ST7: variants seen among roughly 807,000 people sequenced by gnomAD.
The protein encoded by ST7 is suppression of tumorigenicity 7.
In ST7, 28 loss-of-function variants were observed where a neutral mutation model predicts 78.7. That is an observed-to-expected ratio of 0.36 (90% CI 0.26 to 0.49). The LOEUF is 0.49. ST7 is among the 20% of genes least tolerant of loss of function. ST7 has a pLI of 0.99. For missense variants in ST7, 418 were observed against 696.0 expected, an observed-to-expected ratio of 0.60 and a Z score of 4.49; for synonymous variants, 247 against 249.6, an observed-to-expected ratio of 0.99 and a Z score of 0.10.
chr7:117,082,728 C>G (rs906594506), intron 1 of ST7, among the ~76,000 whole-genome samples: 1 of 152,198 alleles, frequency 6.6e-6, no homozygotes, highest in African/African-American at 2.4e-5. Context: ...AAGAGCCAGA[C>G]AGTAAATATT....
At chr7:117,051,064 C>G (rs934379918) in intron 1 of ST7, among the ~76,000 whole-genome samples, 2 of 152,108 alleles carry the variant, frequency 1.3e-5, no homozygotes, top group Non-Finnish European at 2.9e-5. Context: ...CTACACAGTT[C>G]AAATTTGTGA....
chr7:117,218,673 C>A (rs1167502156), intron 13 of ST7, among the ~76,000 whole-genome samples: 1 of 152,160 alleles, frequency 6.6e-6, no homozygotes, highest in Non-Finnish European at 1.5e-5. Context: ...TACATCTATA[C>A]AAACTCCAAC....
At chr7:117,016,411 T>A (rs1182075238) in intron 1 of ST7, among the ~76,000 whole-genome samples, 1 of 152,224 alleles carries the variant, frequency 6.6e-6, no homozygotes, top group African/African-American at 2.4e-5. Context: ...CTTTTAGTTA[T>A]AAATTTGTAC....
chr7:117,189,159 TA>T (rs1190885509), intron 10 of ST7, among the ~76,000 whole-genome samples, 161 bp from the exon 11 acceptor site: 1 of 152,252 alleles, frequency 6.6e-6, no homozygotes, highest in Non-Finnish European at 1.5e-5. Flanking sequence ...ACCACGTTGA[TA>T]CAGTAAGGAA....
chr7:117,169,804 CTTTT>C (rs757197865), intron 9 of ST7, among the ~76,000 whole-genome samples: 1 of 131,536 alleles, frequency 7.6e-6, no homozygotes. Flanking sequence ...CTTAGCAATC[CTTTT>C]TTTTTTTTTT....
chr7:117,090,678 A>T (rs1800543087), intron 1 of ST7: 1 of 166,686 alleles, frequency 6.0e-6, no homozygotes, highest in Admixed American at 6.5e-5. Flanking sequence ...TTCAATCATA[A>T]ATGAAAGCAT....
chr7:117,046,988 A>C (rs1462685030), intron 1 of ST7, among the ~76,000 whole-genome samples: 1 of 152,206 alleles, frequency 6.6e-6, no homozygotes, highest in Non-Finnish European at 1.5e-5. Flanking sequence ...TGCCAGGAGG[A>C]TTTAATGACA....
chr7:117,210,558 C>G (rs776497087), intron 13 of ST7, among the ~76,000 whole-genome samples: 36 of 152,172 alleles, frequency 2.4e-4, no homozygotes, highest in Non-Finnish European at 4.1e-4. Flanking sequence ...GACATGCTCC[C>G]TGCATGTCGT....
At chr7:116,960,831 A>G (rs1792789237) in intron 1 of ST7, among the ~76,000 whole-genome samples, 1 of 151,928 alleles carries the variant, frequency 6.6e-6, no homozygotes, top group African/African-American at 2.4e-5. Context: ...TTTAGATTTT[A>G]TTTGTCAATT....
intron 1 of ST7, chr7:116,966,169 CT>C: frequency 2.6e-6 from 1 of 384,692 alleles, no homozygotes. Context: ...AAGACAGTAT[CT>C]TTTTTAGTGG....
intron 10 of ST7, among the ~76,000 whole-genome samples, chr7:117,178,844 GAATTA>G (rs1808531595): frequency 6.6e-6 from 1 of 152,068 alleles, no homozygotes; most frequent in African/African-American, 2.4e-5. Flanking sequence ...CAAGATTATT[GAATTA>G]AAGTTTGGCT....
At chr7:117,057,487 T>C (rs922981293) in intron 1 of ST7, among the ~76,000 whole-genome samples, 7 of 152,236 alleles carry the variant, frequency 4.6e-5, no homozygotes, top group African/African-American at 1.4e-4. Flanking sequence ...AGTTTTAAGA[T>C]ACTTGTTTAC....
At position 117,040,667 on chromosome 7, in the gene ST7, C is replaced by T. The variant is rs529970862; in HGVS notation, c.152-59095C>T. On this transcript the variant is annotated intron_variant, in intron 1 of 15. Coordinates refer to ENST00000323984, the MANE Select transcript of ST7 (RefSeq NM_001369598.1). ...CTAGTGATCCAATTCATTTCTTTGC[C>T]ACTGGGTCTAGTTGTACTTGTTGGT... 1.4e-4 allele frequency among the ~76,000 whole-genome samples: 22 copies of T among 152,300 alleles called. 1 individual carries two copies. Among genetic ancestry groups the T allele is most frequent in the African/African-American group, 5.3e-4 (22 of 41,562 alleles).
intron 13 of ST7, 90 bp from the exon 14 acceptor site, chr7:117,218,994 G>T (rs1160139142): frequency 2.0e-6 from 2 of 977,514 alleles, no homozygotes; most frequent in East Asian, 4.8e-5. Context: ...AGTGTTCCCT[G>T]TTATAAAAAT....
At chr7:117,091,456 T>TA (rs1449507729) in intron 1 of ST7, among the ~76,000 whole-genome samples, 2 of 152,202 alleles carry the variant, frequency 1.3e-5, no homozygotes, top group Non-Finnish European at 2.9e-5. Context: ...ATTTCCATAT[T>TA]AAAAAAACAG....
At chr7:117,119,448 G>T in intron 2 of ST7, 113 bp from the exon 3 acceptor site, 3 of 1,053,856 alleles carry the variant, frequency 2.8e-6, no homozygotes, top group Non-Finnish European at 3.9e-6. Context: ...AACAGTTTTT[G>T]AAATAAAATA....
intron 10 of ST7, among the ~76,000 whole-genome samples, chr7:117,183,970 A>G (rs1366016879): frequency 6.6e-6 from 1 of 152,246 alleles, no homozygotes; most frequent in Non-Finnish European, 1.5e-5. Flanking sequence ...CTCAAAAACA[A>G]TGTGCTGAGT....
rs1792279859 is a variant in ST7 at position 116,953,830 on chromosome 7, C to G, written c.151+139C>G. On this transcript the variant is annotated intron_variant, in intron 1 of 15. Transcript: ENST00000323984. ...GCACCGGAGGCCCGCGGCTACCCGC[C>G]AGCAACGCGGCGGCTTAGGCGGCGG... 4 of 480,408 alleles carry G rather than the reference C, an allele frequency of 8.3e-6. No individual in the cohort carries two copies. In the South Asian group the frequency reaches 3.5e-4, roughly 42 times the overall value. The allele number at this position is 480,408 out of a possible 1,614,324, so 29.8% of individuals were successfully genotyped here.
chr7:117,050,346 A>C (rs1958187031), intron 1 of ST7, among the ~76,000 whole-genome samples: 1 of 152,232 alleles, frequency 6.6e-6, no homozygotes, highest in African/African-American at 2.4e-5. Context: ...GTTTTAAGCC[A>C]ATCCTCCAAA....
Sources: allele counts gnomAD v4.1 joint callset (sites outside exome capture counted in the v4.1 genomes callset), GRCh38; gene constraint gnomAD v4.1.1; transcripts MANE v1.5; gene names NCBI Gene and HGNC (gene_info 2026-07-23, HGNC 2026-07-21).